The following ENOX1 variants were observed in gnomAD, a reference collection of about 807,000 sequenced individuals.
The protein encoded by ENOX1 is ecto-NOX disulfide-thiol exchanger 1, also known as candidate growth-related and time keeping constitutive hydroquinone (NADH) oxidase.
ENOX1 carries 42 observed loss-of-function variants against 82.5 expected under a neutral mutation model. The ratio of observed to expected loss-of-function variants is 0.51; its 90% CI spans 0.40 to 0.66. ENOX1 has a LOEUF of 0.66. ENOX1 is among the 30% of genes least tolerant of loss of function. The probability of loss-of-function intolerance (pLI) is 0.00; values close to 1 mark genes in which losing one functional copy is unlikely to be tolerated. For synonymous variants in ENOX1, 271 were observed against 282.2 expected, an observed-to-expected ratio of 0.96 and a Z score of 0.40; for missense variants, 608 against 811.6, an observed-to-expected ratio of 0.75 and a Z score of 3.05.
intron 14 of ENOX1, among the ~76,000 whole-genome samples, chr13:43,249,900 A>G (rs959610513): frequency 2.6e-5 from 4 of 152,192 alleles, no homozygotes; most frequent in South Asian, 2.1e-4. Flanking sequence ...TATGCCACAC[A>G]TGAGAACTAT....
intron 2 of ENOX1, among the ~76,000 whole-genome samples, chr13:43,603,403 ATACTTT>A (rs1682453681): frequency 6.7e-6 from 1 of 149,712 alleles, no homozygotes; most frequent in South Asian, 2.1e-4. Context: ...TATTATTATT[ATACTTT>A]AAGTTTTAGG....
intron 1 of ENOX1, among the ~76,000 whole-genome samples, chr13:43,722,816 G>A (rs1159076730): frequency 2.0e-5 from 3 of 151,990 alleles, no homozygotes; most frequent in African/African-American, 7.3e-5. Context: ...CATTTATCTG[G>A]CTGCTAAAAG....
At chr13:43,778,105 G>A (rs975864094) in intron 1 of ENOX1, among the ~76,000 whole-genome samples, 1 of 152,162 alleles carries the variant, frequency 6.6e-6, no homozygotes, top group African/African-American at 2.4e-5. Flanking sequence ...AAAATATGGG[G>A]ATGATGTTGG....
At chr13:43,381,495 AAAG>A (rs1390447580) in intron 5 of ENOX1, among the ~76,000 whole-genome samples, 2 of 151,282 alleles carry the variant, frequency 1.3e-5, no homozygotes, top group African/African-American at 4.8e-5. Context: ...CTTAAAAAAA[AAAG>A]AGCAAATTGA....
chr13:43,423,748 T>TAA (rs987145837), intron 3 of ENOX1, among the ~76,000 whole-genome samples: 1 of 152,228 alleles, frequency 6.6e-6, no homozygotes, highest in African/African-American at 2.4e-5. Flanking sequence ...TACTGAGGCT[T>TAA]AACTACCATC....
chr13:43,582,560 G>A (rs1240874905), intron 2 of ENOX1, among the ~76,000 whole-genome samples: 6 of 151,960 alleles, frequency 3.9e-5, no homozygotes, highest in Non-Finnish European at 5.9e-5. Flanking sequence ...TACCAACATG[G>A]AAGACATTTT....
chr13:43,784,340 AAC>A (rs973254725), intron 1 of ENOX1, among the ~76,000 whole-genome samples: 1 of 152,350 alleles, frequency 6.6e-6, no homozygotes, highest in African/African-American at 2.4e-5. Context: ...GAGAAATAAA[AAC>A]ACAGAATTAT....
chr13:43,373,480 GT>G (rs1177060090), intron 5 of ENOX1, among the ~76,000 whole-genome samples: 1 of 152,150 alleles, frequency 6.6e-6, no homozygotes, highest in South Asian at 2.1e-4. Context: ...TTGTTCCTAT[GT>G]TTGGCATACC....
In ENOX1 at chr13:43,293,252, C is replaced by T. The variant is rs545126762; in HGVS notation, c.1446+5094G>A. On this transcript the variant is annotated intron_variant, in intron 12 of 16. Transcript: ENST00000690772. The stretch of plus-strand genomic sequence containing the variant: ...CATCCTCTCACTACAGTCACCGTCA[C>T]TACCACAGTCACCACAGCTACCTTT... Among the ~76,000 whole-genome samples, 4 of 152,216 alleles carry T rather than the reference C, an allele frequency of 2.6e-5. No individual in the cohort carries two copies. The South Asian group carries it at 8.3e-4, about 32-fold the overall frequency.
intron 2 of ENOX1, among the ~76,000 whole-genome samples, chr13:43,624,941 T>C (rs1424636181): frequency 6.6e-6 from 1 of 152,088 alleles, no homozygotes; most frequent in Non-Finnish European, 1.5e-5. Flanking sequence ...GGGATTTTGA[T>C]AGGAATTGCT....
intron 11 of ENOX1, among the ~76,000 whole-genome samples, chr13:43,300,281 TA>T (rs1341014113): frequency 1.3e-5 from 2 of 152,130 alleles, no homozygotes. Flanking sequence ...CTGACACATT[TA>T]AAAAGAAACT....
intron 16 of ENOX1, among the ~76,000 whole-genome samples, chr13:43,222,559 G>T (rs929506688): frequency 6.6e-6 from 1 of 152,142 alleles, no homozygotes; most frequent in Non-Finnish European, 1.5e-5. Context: ...CTCAACAAAG[G>T]CTTCTCACTT....
chr13:43,630,470 C>G (rs2083157111), intron 2 of ENOX1, among the ~76,000 whole-genome samples: 1 of 152,032 alleles, frequency 6.6e-6, no homozygotes, highest in African/African-American at 2.4e-5. Flanking sequence ...ACACTCTCCC[C>G]TCAATTAAAG....
At chr13:43,716,070 T>C (rs183287470) in intron 1 of ENOX1, among the ~76,000 whole-genome samples, 69 of 152,350 alleles carry the variant, frequency 4.5e-4, no homozygotes, top group Non-Finnish European at 9.3e-4. Context: ...ATCAAAGTCA[T>C]TCTCCGTCCA....
At chr13:43,423,427 C>T (rs1461905355) in intron 3 of ENOX1, among the ~76,000 whole-genome samples, 2 of 152,190 alleles carry the variant, frequency 1.3e-5, no homozygotes, top group Non-Finnish European at 2.9e-5. Context: ...CCCTGGGATT[C>T]AGGGCAAACA....
intron 3 of ENOX1, among the ~76,000 whole-genome samples, chr13:43,467,366 G>A (rs1351106045): frequency 6.6e-6 from 1 of 152,144 alleles, no homozygotes; most frequent in Non-Finnish European, 1.5e-5. Flanking sequence ...TAATTCGACA[G>A]ACAGTTAAAA....
intron 13 of ENOX1, 55 bp from the exon 14 acceptor site, chr13:43,265,509 T>C: frequency 6.9e-7 from 1 of 1,446,270 alleles, no homozygotes; most frequent in South Asian, 1.2e-5. Flanking sequence ...AGCAAGCAAA[T>C]CTCTTAAGTA....
At chr13:43,297,055 C>T (rs752590602) in intron 12 of ENOX1, among the ~76,000 whole-genome samples, 6 of 152,188 alleles carry the variant, frequency 3.9e-5, no homozygotes, top group Non-Finnish European at 5.9e-5. Flanking sequence ...CTGGCTCTGA[C>T]CTCTGAATCT....
chr13:43,548,130 T>G (rs1180243962), intron 2 of ENOX1: 1 of 152,220 alleles, frequency 6.6e-6, no homozygotes, highest in East Asian at 1.9e-4. Context: ...AGAACTAAGC[T>G]TAAATTCCTG....
Sources: gnomAD v4.1 joint callset for allele counts (sites outside exome capture counted in the v4.1 genomes callset) on GRCh38, gnomAD v4.1.1 for gene constraint, MANE v1.5 for transcripts, NCBI Gene and HGNC (gene_info 2026-07-23, HGNC 2026-07-21) for gene names.